The following GCFC2 variants were observed in gnomAD, a reference collection of about 807,000 sequenced individuals.
GCFC2 encodes GC-rich sequence DNA-binding factor 2, also known as intron Large complex component GCFC2.
Under a neutral mutation model 99.4 loss-of-function variants are expected in GCFC2, and 102 were observed. That is an observed-to-expected ratio of 1.03 (90% CI 0.87 to 1.21). The LOEUF (loss-of-function observed/expected upper bound fraction) is 1.21, where lower values mean the gene tolerates loss of function less well. Among genes scored for constraint, GCFC2 ranks in the 50% most tolerant of loss-of-function variants. The pLI is 0.00. For synonymous variants in GCFC2, 338 were observed against 316.8 expected (o/e 1.07, Z -0.71); for missense variants, 973 against 920.9 (o/e 1.06, Z -0.73).
chr2:75,706,680 A>C (rs1036035859), intron 1 of GCFC2, 29 bp from the exon 2 acceptor site: 1 of 1,464,060 alleles, frequency 6.8e-7, no homozygotes, highest in East Asian at 2.3e-5. Context: ...AATACAACAA[A>C]AAAGAGTCAA....
Position 75,673,513 on chromosome 2 carries a change from A to C in GCFC2, c.1820T>G (p.Leu607Arg). Residue 607 changes from leucine to arginine, a missense_variant, in exon 13 of 17, where the codon CTT becomes CGT. By Grantham distance (102) the Leu-to-Arg change is moderately radical. Transcript: ENST00000321027. ...NEVSKSRQDL[L>R]KSIVSRMKKA... is the part of the protein sequence containing the mutation. ...TTTCATTCTTGAAACAATGGATTTA[A>C]GTAAATCCTATTATTACAAATTTGA... 1 of 1,222,478 alleles carries C rather than the reference A, an allele frequency of 8.2e-7. No homozygotes were observed. The highest frequency in any genetic ancestry group is 1.2e-6 in the Non-Finnish European group (1 of 823,792). The allele number at this position is 1,222,478 out of a possible 1,614,324, so 75.7% of individuals were successfully genotyped here. A position where few individuals can be genotyped will look rare whatever the true frequency, so the allele number is the denominator to read the frequency against.
At chr2:75,675,520 G>C (rs1679293511) in intron 12 of GCFC2, among the ~76,000 whole-genome samples, 1 of 151,916 alleles carries the variant, frequency 6.6e-6, no homozygotes, top group African/African-American at 2.4e-5. Flanking sequence ...AGGTGGGTGG[G>C]TCACTTGAGG....
At chr2:75,702,783 T>A (rs1680667914) in intron 2 of GCFC2, among the ~76,000 whole-genome samples, 2 of 152,130 alleles carry the variant, frequency 1.3e-5, no homozygotes, top group South Asian at 4.1e-4. Flanking sequence ...GAGGGCTGAG[T>A]GTGGTGTTCC....
intron 12 of GCFC2, 97 bp downstream of exon 12, chr2:75,680,096 G>T: frequency 1.3e-6 from 1 of 776,458 alleles, no homozygotes; most frequent in Non-Finnish European, 2.0e-6. Flanking sequence ...ACAGTTTTCT[G>T]ATAATCACTT....
rs73939107 is a variant in GCFC2, at chr2:75,700,757, T to C, written c.717+433A>G. Reference sequence around the variant, plus strand: ...GAATGGAGGCCTCCCAAAAGATACATCCATGACATAATCCCTGGAAAGTGC... The same window carrying C: ...GAATGGAGGCCTCCCAAAAGATACACCCATGACATAATCCCTGGAAAGTGC... On this transcript the variant is annotated intron_variant, in intron 4 of 16. Transcript: ENST00000321027. Among the ~76,000 whole-genome samples the C allele has an allele frequency of 9.0e-3, 1,373 of 152,248 alleles. 17 individuals are homozygous for C. Among genetic ancestry groups the C allele is most frequent in the African/African-American group, 0.031 (1,288 of 41,540 alleles).
intron 7 of GCFC2, among the ~76,000 whole-genome samples, chr2:75,691,059 T>C (rs1222422597): frequency 1.3e-5 from 2 of 152,182 alleles, no homozygotes; most frequent in African/African-American, 4.8e-5. Flanking sequence ...GCAAGAAATA[T>C]TGGCTTTGCC....
intron 10 of GCFC2, among the ~76,000 whole-genome samples, chr2:75,688,533 T>C (rs1679917702): frequency 6.6e-6 from 1 of 152,180 alleles, no homozygotes; most frequent in Non-Finnish European, 1.5e-5. Context: ...TCTAAATATC[T>C]GTGCAATTTC....
intron 12 of GCFC2, among the ~76,000 whole-genome samples, chr2:75,678,289 A>G (rs1274424073): frequency 6.6e-6 from 1 of 152,220 alleles, no homozygotes; most frequent in Non-Finnish European, 1.5e-5. Context: ...GCTTTTAACT[A>G]CTAATCTTGG....
chr2:75,668,297 C>T (rs1375956140), intron 15 of GCFC2, among the ~76,000 whole-genome samples: 1 of 152,172 alleles, frequency 6.6e-6, no homozygotes, highest in Non-Finnish European at 1.5e-5. Flanking sequence ...TAGATGCACT[C>T]TCCCATGTAG....
intron 11 of GCFC2, among the ~76,000 whole-genome samples, chr2:75,685,033 C>T (rs996680939): frequency 7.9e-5 from 12 of 151,914 alleles, no homozygotes; most frequent in East Asian, 5.8e-4. Flanking sequence ...GGACAGGGAG[C>T]GGAACATCAC....
chr2:75,676,670 T>C (rs915230251), intron 12 of GCFC2, among the ~76,000 whole-genome samples: 4 of 152,202 alleles, frequency 2.6e-5, no homozygotes, highest in African/African-American at 9.7e-5. Flanking sequence ...CAAGTGACAC[T>C]GCTGACTCAC....
At chr2:75,678,715 G>T (rs1679449839) in intron 12 of GCFC2, among the ~76,000 whole-genome samples, 1 of 152,212 alleles carries the variant, frequency 6.6e-6, no homozygotes, top group Admixed American at 6.5e-5. Context: ...GTGACAACTA[G>T]TTTTAAAGAT....
chr2:75,695,091 C>G (rs1270485391), intron 5 of GCFC2, among the ~76,000 whole-genome samples: 2 of 152,046 alleles, frequency 1.3e-5, no homozygotes, highest in African/African-American at 4.8e-5. Flanking sequence ...TACGATAAAT[C>G]AATGATCTGC....
intron 12 of GCFC2, among the ~76,000 whole-genome samples, chr2:75,677,416 A>C (rs1201872516): frequency 6.6e-6 from 1 of 152,214 alleles, no homozygotes; most frequent in Non-Finnish European, 1.5e-5. Flanking sequence ...GTGATTCTCT[A>C]CCAAGTGCCA....
In GCFC2 at chr2:75,689,084, A is replaced by G. The variant is rs1171356058; in HGVS notation, c.1481T>C (p.Ile494Thr). Residue 494 changes from isoleucine to threonine, a missense_variant, in exon 10 of 17, where the codon ATA becomes ACA. Ile to Thr is a moderately conservative substitution (Grantham distance 89). Transcript: ENST00000321027. ...SYYEAFISLC[I>T]PKLLNPLIRV... ...TATTAGGGGATTTAAAAGCTTTGGT[A>G]TGCATAAACTAATGAAAGCTTCATA... The G allele has an allele frequency of 6.3e-7, 1 of 1,598,142 alleles. No individual in the cohort carries two copies. The highest frequency in any genetic ancestry group is 8.6e-7 in the Non-Finnish European group (1 of 1,167,416).
At chr2:75,710,963 C>T, upstream of GCFC2, 1 of 1,367,680 alleles carries the variant, frequency 7.3e-7, no homozygotes, top group Non-Finnish European at 9.4e-7. Flanking sequence ...GCCGAGTGCG[C>T]GCGCCCGTCC....
At chr2:75,674,602 ATAT>A (rs1679259350) in intron 12 of GCFC2, among the ~76,000 whole-genome samples, 1 of 152,000 alleles carries the variant, frequency 6.6e-6, no homozygotes, top group Non-Finnish European at 1.5e-5. Flanking sequence ...AGCAATATTT[ATAT>A]TATTTATATA....
At chr2:75,664,843 A>G in intron 16 of GCFC2, 60 bp from the exon 17 acceptor site, 4 of 765,128 alleles carry the variant, frequency 5.2e-6, no homozygotes, top group Non-Finnish European at 9.1e-6. Flanking sequence ...ACAGCGGTCA[A>G]TTCAGAACCT....
intron 4 of GCFC2, among the ~76,000 whole-genome samples, chr2:75,699,836 C>G (rs533378943): frequency 6.6e-6 from 1 of 151,754 alleles, no homozygotes; most frequent in African/African-American, 2.4e-5. Context: ...CTTGGCCTTC[C>G]GAAGTGCTGG....
Sources: gnomAD v4.1 joint callset for allele counts (sites outside exome capture counted in the v4.1 genomes callset) on GRCh38, gnomAD v4.1.1 for gene constraint, MANE v1.5 for transcripts, NCBI Gene and HGNC (gene_info 2026-07-23, HGNC 2026-07-21) for gene names.